SREK1IP1: variants seen among roughly 807,000 people sequenced by gnomAD.
SREK1IP1 encodes SREK1 interacting protein 1, also known as protein SREK1IP1.
A neutral mutation model predicts 22.8 loss-of-function variants in SREK1IP1; 12 were observed. That is an observed-to-expected ratio of 0.53 (90% CI 0.34 to 0.85). The LOEUF (loss-of-function observed/expected upper bound fraction) is 0.85, where lower values mean the gene tolerates loss of function less well. Ranked by LOEUF, SREK1IP1 falls within the 40% of genes least tolerant of loss-of-function variation. SREK1IP1 has a pLI of 0.02. For missense variants in SREK1IP1, 147 were observed against 171.8 expected, an observed-to-expected ratio of 0.86 and a Z score of 0.81; for synonymous variants, 53 against 52.7, an observed-to-expected ratio of 1.01 and a Z score of -0.02.
intron 2 of SREK1IP1, among the ~76,000 whole-genome samples, chr5:64,752,305 C>CCACG: frequency 6.6e-6 from 1 of 151,954 alleles, no homozygotes; most frequent in South Asian, 2.1e-4. Context: ...GCGCCCGCCA[C>CCACG]CACGTCCGGC....
chr5:64,729,129 C>T (rs1395266568), intron 3 of SREK1IP1, among the ~76,000 whole-genome samples: 1 of 152,188 alleles, frequency 6.6e-6, no homozygotes, highest in Non-Finnish European at 1.5e-5. Flanking sequence ...GAATAGACAT[C>T]AGTTTGTCTC....
chr5:64,750,604 A>G (rs1742725368), intron 2 of SREK1IP1, among the ~76,000 whole-genome samples: 1 of 152,052 alleles, frequency 6.6e-6, no homozygotes, highest in African/African-American at 2.4e-5. Flanking sequence ...ACTTTCTCAA[A>G]CTGGTACCTG....
chr5:64,722,725 A>G lies in SREK1IP1; in HGVS notation c.*1659T>C, dbSNP rs1276734096. 1 of 152,186 alleles carries G rather than the reference A, an allele frequency of 6.6e-6. No homozygotes were observed. The highest frequency in any genetic ancestry group is 6.5e-5 in the Admixed American group (1 of 15,268). 9.4% of individuals were successfully genotyped at this position (152,186 alleles called of 1,614,324 possible). ...AAAGCATTTCCTTTTGAGAGGCCCA[A>G]ATGACTAAATTAGGTTATGGAAGGG... On this transcript the variant is annotated 3_prime_UTR_variant, in exon 5 of 5. Coordinates refer to ENST00000513458, the MANE Select transcript of SREK1IP1 (RefSeq NM_173829.4).
chr5:64,740,408 G>A (rs1226625058), intron 3 of SREK1IP1, among the ~76,000 whole-genome samples: 1 of 152,104 alleles, frequency 6.6e-6, no homozygotes, highest in African/African-American at 2.4e-5. Context: ...CCTGGAAAAT[G>A]TAACTATCCA....
chr5:64,747,939 A>G (rs1167555132), intron 2 of SREK1IP1, among the ~76,000 whole-genome samples: 2 of 151,706 alleles, frequency 1.3e-5, no homozygotes, highest in African/African-American at 4.8e-5. Flanking sequence ...CCTCAAAAAA[A>G]AAGAAAACCA....
intron 3 of SREK1IP1, among the ~76,000 whole-genome samples, chr5:64,728,958 C>T (rs1308782161): frequency 2.6e-5 from 4 of 151,986 alleles, no homozygotes; most frequent in East Asian, 1.9e-4. Context: ...CTTTGGGAGG[C>T]GAGGCGGGTG....
intron 1 of SREK1IP1, among the ~76,000 whole-genome samples, chr5:64,755,362 G>T (rs1580555630): frequency 6.6e-6 from 1 of 152,112 alleles, no homozygotes; most frequent in African/African-American, 2.4e-5. Flanking sequence ...ATACACTATG[G>T]AATACTATGA....
At chr5:64,753,396 G>T (rs115427092) in intron 2 of SREK1IP1, among the ~76,000 whole-genome samples, 1 of 152,150 alleles carries the variant, frequency 6.6e-6, no homozygotes, top group African/African-American at 2.4e-5. Context: ...CATTTCTTGC[G>T]TGCAAGTACA....
chr5:64,742,523 C>T (rs1561387179), intron 2 of SREK1IP1, among the ~76,000 whole-genome samples: 1 of 152,312 alleles, frequency 6.6e-6, no homozygotes, highest in East Asian at 1.9e-4. Context: ...TCACGATCCA[C>T]TAATGATTCA....
At chr5:64,748,827 T>C (rs1156876948) in intron 2 of SREK1IP1, among the ~76,000 whole-genome samples, 2 of 152,124 alleles carry the variant, frequency 1.3e-5, no homozygotes, top group Non-Finnish European at 2.9e-5. Context: ...CAGAGGTTTG[T>C]ACCTAAGTAA....
intron 3 of SREK1IP1, among the ~76,000 whole-genome samples, chr5:64,735,221 T>C (rs556297902): frequency 1.3e-5 from 2 of 152,036 alleles, no homozygotes; most frequent in African/African-American, 4.8e-5. Flanking sequence ...ATAAAACAAA[T>C]GTATTCCTGA....
In SREK1IP1 at chr5:64,768,683, C is replaced by T. The variant is rs2112126572; in HGVS notation, c.-166G>A. ...CTGTACGCCTCTAGCGACGGCAGAACCAGTAGATGCGGATGCAGTTTCCGG... is the reference window on the plus strand; with the variant it reads ...CTGTACGCCTCTAGCGACGGCAGAATCAGTAGATGCGGATGCAGTTTCCGG... On this transcript the variant is annotated 5_prime_UTR_variant, in exon 1 of 5. Coordinates refer to ENST00000513458, the MANE Select transcript of SREK1IP1 (RefSeq NM_173829.4). 1.2e-6 allele frequency: 1 copy of T among 816,820 alleles called. No individual in the cohort carries two copies. Among genetic ancestry groups the T allele is most frequent in the Non-Finnish European group, 2.0e-6 (1 of 503,468 alleles). 50.6% of individuals were successfully genotyped at this position (816,820 alleles called of 1,614,324 possible).
At chr5:64,727,547 A>AT (rs1460826364) in intron 4 of SREK1IP1, 21 of 121,986 alleles carry the variant, frequency 1.7e-4, no homozygotes, top group African/African-American at 1.1e-3. Flanking sequence ...ATATATATAT[A>AT]TATATATTTT....
At position 64,724,271 on chromosome 5, in the gene SREK1IP1, T is replaced by C; in HGVS notation, c.*113A>G. On this transcript the variant is annotated 3_prime_UTR_variant, in exon 5 of 5. Coordinates refer to ENST00000513458, the MANE Select transcript of SREK1IP1 (RefSeq NM_173829.4). ...TGGTCCCAAATACGAAAAATGTCTA[T>C]ATGGAAAAGGCTGTGATTTATTGCA... 5 of 925,412 alleles carry C rather than the reference T, an allele frequency of 5.4e-6. No homozygotes were observed. Among genetic ancestry groups the C allele is most frequent in the East Asian group, 5.1e-5 (2 of 39,238 alleles). The allele number at this position is 925,412 out of a possible 1,614,324, so 57.3% of individuals were successfully genotyped here.
At chr5:64,732,131 C>G (rs933439111) in intron 3 of SREK1IP1, among the ~76,000 whole-genome samples, 3 of 152,080 alleles carry the variant, frequency 2.0e-5, no homozygotes, top group African/African-American at 7.2e-5. Flanking sequence ...GAAAACTGGT[C>G]AATGCCATTT....
intron 2 of SREK1IP1, among the ~76,000 whole-genome samples, chr5:64,748,837 A>G (rs1469291207): frequency 2.0e-5 from 3 of 152,122 alleles, no homozygotes; most frequent in Non-Finnish European, 4.4e-5. Context: ...TACCTAAGTA[A>G]TCGGGTGCCA....
chr5:64,739,328 GT>G (rs1248566896), intron 3 of SREK1IP1, among the ~76,000 whole-genome samples: 1 of 152,058 alleles, frequency 6.6e-6, no homozygotes, highest in Non-Finnish European at 1.5e-5. Flanking sequence ...AAGAACCTAT[GT>G]TTTACCCTCT....
At chr5:64,741,515 TAACTA>T (rs1209915213) in intron 2 of SREK1IP1, among the ~76,000 whole-genome samples, 2 of 152,170 alleles carry the variant, frequency 1.3e-5, no homozygotes, top group Non-Finnish European at 2.9e-5. Flanking sequence ...GTAATATCTT[TAACTA>T]AACTAAGTAA....
In SREK1IP1 at chr5:64,721,373, C is replaced by T. The variant is rs1742158430; in HGVS notation, c.*3011G>A. ...ATGGCATTTTTATCAACATTATTAACAACTCTTCAGCCTAGTTTACTCTGA... is the reference window on the plus strand; with the variant it reads ...ATGGCATTTTTATCAACATTATTAATAACTCTTCAGCCTAGTTTACTCTGA... On this transcript the variant is annotated 3_prime_UTR_variant, in exon 5 of 5. Transcript: ENST00000513458. 2 of 152,096 alleles carry T rather than the reference C, an allele frequency of 1.3e-5. No homozygotes were observed. Among genetic ancestry groups the T allele is most frequent in the Admixed American group, 1.3e-4 (2 of 15,256 alleles). 9.4% of individuals were successfully genotyped at this position (152,096 alleles called of 1,614,324 possible). A position where few individuals can be genotyped will look rare whatever the true frequency, so the allele number is the denominator to read the frequency against.
Sources: gnomAD v4.1 joint callset for allele counts (sites outside exome capture counted in the v4.1 genomes callset) on GRCh38, gnomAD v4.1.1 for gene constraint, MANE v1.5 for transcripts, NCBI Gene and HGNC (gene_info 2026-07-23, HGNC 2026-07-21) for gene names.